The following RNF150 variants were observed in gnomAD, a reference collection of about 807,000 sequenced individuals.
RNF150 encodes the protein ring finger protein 150.
Under a neutral mutation model 39.3 loss-of-function variants are expected in RNF150, and 24 were observed. That is an observed-to-expected ratio of 0.61 (90% CI 0.44 to 0.86). The LOEUF is 0.86. Among genes scored for constraint, RNF150 ranks in the 40% least tolerant of loss-of-function variants. The probability of loss-of-function intolerance (pLI) is 0.00; values close to 1 mark genes in which losing one functional copy is unlikely to be tolerated. For missense variants in RNF150, 502 were observed against 587.8 expected (o/e 0.85, Z 1.51); for synonymous variants, 255 against 227.3 (o/e 1.12, Z -1.10).
At chr4:140,950,402 A>G (rs560516909) in intron 2 of RNF150, among the ~76,000 whole-genome samples, 2 of 152,368 alleles carry the variant, frequency 1.3e-5, no homozygotes, top group Admixed American at 6.5e-5. Flanking sequence ...CTAAAGCTAT[A>G]TATGCATTAT....
chr4:141,098,108 A>C (rs1738868349), intron 1 of RNF150, among the ~76,000 whole-genome samples: 1 of 152,224 alleles, frequency 6.6e-6, no homozygotes, highest in South Asian at 2.1e-4. Context: ...AACACTAAAA[A>C]TCTACAGCCA....
chr4:140,885,622 G>C (rs1729542812), intron 6 of RNF150, among the ~76,000 whole-genome samples: 1 of 151,268 alleles, frequency 6.6e-6, no homozygotes, highest in South Asian at 2.1e-4. Context: ...TTTTAGTAGA[G>C]ACGGGGTTTC....
chr4:141,011,005 C>A (rs970491633), intron 1 of RNF150, among the ~76,000 whole-genome samples: 2 of 152,048 alleles, frequency 1.3e-5, no homozygotes, highest in Admixed American at 6.6e-5. Flanking sequence ...CAATGGAATA[C>A]TTTTATCTCG....
At chr4:141,038,233 G>C (rs973013503) in intron 1 of RNF150, among the ~76,000 whole-genome samples, 1 of 152,110 alleles carries the variant, frequency 6.6e-6, no homozygotes, top group Non-Finnish European at 1.5e-5. Flanking sequence ...GAAAGTGCAG[G>C]AGATAGCTGG....
intron 6 of RNF150, among the ~76,000 whole-genome samples, chr4:140,879,261 C>T (rs1729286330): frequency 6.6e-6 from 1 of 152,002 alleles, no homozygotes; most frequent in South Asian, 2.1e-4. Context: ...TCTGTTTCCA[C>T]ACAAAAAAAA....
chr4:141,027,938 T>G lies in RNF150; in HGVS notation c.485-60065A>C, dbSNP rs1452858250. Among the ~76,000 whole-genome samples the G allele has an allele frequency of 3.0e-4, 39 of 130,826 alleles. 1 individual carries two copies. In the South Asian group the frequency reaches 8.2e-3, roughly 27 times the overall value. The allele number at this position is 130,826 out of a possible 152,430, so 85.8% of individuals were successfully genotyped here. A position where few individuals can be genotyped will look rare whatever the true frequency, so the allele number is the denominator to read the frequency against. ...TTTTTTTTTTTTTGTTTTTTTTTTT[T>G]TTTTTTTTTTTTTTCAATCCTGCTG... On this transcript the variant is annotated intron_variant, in intron 1 of 6. Coordinates refer to ENST00000515673, the MANE Select transcript of RNF150 (RefSeq NM_020724.2).
chr4:141,153,915 C>T (rs1475749549), intron 1 of RNF150, among the ~76,000 whole-genome samples: 2 of 152,152 alleles, frequency 1.3e-5, no homozygotes, highest in East Asian at 1.9e-4. Flanking sequence ...AGCAGGCTCT[C>T]GAGTTAGTTT....
chr4:140,995,149 C>G (rs1291139058), intron 1 of RNF150, among the ~76,000 whole-genome samples: 1 of 152,164 alleles, frequency 6.6e-6, no homozygotes, highest in Non-Finnish European at 1.5e-5. Flanking sequence ...TCTTTCCAGC[C>G]TCTGGTAACC....
At chr4:140,929,666 T>C (rs977248103) in intron 4 of RNF150, among the ~76,000 whole-genome samples, 2 of 152,082 alleles carry the variant, frequency 1.3e-5, no homozygotes, top group Non-Finnish European at 2.9e-5. Context: ...GTGCCCGGCC[T>C]GGATGCTTAG....
intron 1 of RNF150, among the ~76,000 whole-genome samples, chr4:140,993,164 A>T (rs1434031751): frequency 1.3e-5 from 2 of 152,186 alleles, no homozygotes; most frequent in Non-Finnish European, 2.9e-5. Context: ...AACATGAAAT[A>T]GATTTGCTGG....
chr4:140,891,484 T>C (rs1863306), intron 6 of RNF150, among the ~76,000 whole-genome samples: 26,990 of 152,000 alleles, frequency 0.18, 2,966 homozygotes, highest in Middle Eastern at 0.3. Flanking sequence ...ATAGTGGTGA[T>C]GAGAAAATTG....
intron 2 of RNF150, among the ~76,000 whole-genome samples, chr4:140,965,795 A>C (rs1477502863): frequency 6.6e-6 from 1 of 152,104 alleles, no homozygotes; most frequent in Non-Finnish European, 1.5e-5. Context: ...CAAAGGATAC[A>C]AAGTAGCAGA....
intron 6 of RNF150, among the ~76,000 whole-genome samples, chr4:140,891,434 T>C (rs1435982842): frequency 6.6e-6 from 1 of 152,160 alleles, no homozygotes; most frequent in South Asian, 2.1e-4. Flanking sequence ...CAAGGACCAC[T>C]GTGGGAGGAA....
At chr4:141,050,574 G>T (rs1410387219) in intron 1 of RNF150, among the ~76,000 whole-genome samples, 1 of 152,066 alleles carries the variant, frequency 6.6e-6, no homozygotes, top group Non-Finnish European at 1.5e-5. Flanking sequence ...CAAAATGAAG[G>T]GGCTACAGAC....
intron 1 of RNF150, among the ~76,000 whole-genome samples, chr4:141,031,593 G>T (rs969569141): frequency 6.6e-6 from 1 of 151,992 alleles, no homozygotes; most frequent in Non-Finnish European, 1.5e-5. Flanking sequence ...AATGGGAAAA[G>T]ACTTTAATAG....
At chr4:140,946,522 TG>T (rs1339849766) in intron 4 of RNF150, among the ~76,000 whole-genome samples, 1 of 152,124 alleles carries the variant, frequency 6.6e-6, no homozygotes, top group Non-Finnish European at 1.5e-5. Flanking sequence ...CCCAGTGCGG[TG>T]GTGTGATCAC....
chr4:140,934,842 T>C (rs567842404), intron 4 of RNF150, among the ~76,000 whole-genome samples: 40 of 151,444 alleles, frequency 2.6e-4, no homozygotes, highest in African/African-American at 8.7e-4. Context: ...ACCAACTTCT[T>C]TGAGTTAAGG....
At chr4:140,937,585 G>GT (rs1484106629) in intron 4 of RNF150, among the ~76,000 whole-genome samples, 5 of 151,924 alleles carry the variant, frequency 3.3e-5, no homozygotes, top group Non-Finnish European at 7.4e-5. Context: ...AATTTCTAAA[G>GT]TTTTTAAAAA....
At chr4:141,129,638 C>T (rs988010935) in intron 1 of RNF150, among the ~76,000 whole-genome samples, 7 of 152,110 alleles carry the variant, frequency 4.6e-5, no homozygotes, top group African/African-American at 9.7e-5. Context: ...AGCTGTTATA[C>T]TGGGGAGGAA....
Sources: allele counts gnomAD v4.1 joint callset (sites outside exome capture counted in the v4.1 genomes callset), GRCh38; gene constraint gnomAD v4.1.1; transcripts MANE v1.5; gene names NCBI Gene and HGNC (gene_info 2026-07-23, HGNC 2026-07-21).